The following MSRB3 variants were observed in gnomAD, a reference collection of about 807,000 sequenced individuals.
MSRB3 encodes the protein methionine-R-sulfoxide reductase B3.
Under a neutral mutation model 21.0 loss-of-function variants are expected in MSRB3, and 13 were observed. The observed-to-expected ratio is 0.62, with a 90% CI of 0.40 to 0.98. MSRB3 has a LOEUF of 0.98. Ranked by LOEUF, MSRB3 falls within the 50% of genes least tolerant of loss-of-function variation. The pLI is 0.00. For missense variants in MSRB3, 199 were observed against 230.3 expected, an observed-to-expected ratio of 0.86 and a Z score of 0.88; for synonymous variants, 87 against 88.6, an observed-to-expected ratio of 0.98 and a Z score of 0.10.
chr12:65,365,283 G>A (rs1877944942), intron 4 of MSRB3, among the ~76,000 whole-genome samples: 1 of 152,090 alleles, frequency 6.6e-6, no homozygotes, highest in Non-Finnish European at 1.5e-5. Context: ...TCAGCTTCGT[G>A]TCAATGCCAC....
chr12:65,343,130 A>G (rs1315840593), intron 4 of MSRB3, among the ~76,000 whole-genome samples: 4 of 152,112 alleles, frequency 2.6e-5, no homozygotes, highest in Non-Finnish European at 2.9e-5. Context: ...CTCTATGACA[A>G]AATTTATCTT....
intron 1 of MSRB3, among the ~76,000 whole-genome samples, chr12:65,289,475 A>G (rs904403708): frequency 6.6e-6 from 1 of 152,220 alleles, no homozygotes; most frequent in African/African-American, 2.4e-5. Flanking sequence ...CCTGGGTGAC[A>G]GAGTGAGATT....
chr12:65,352,403 C>G (rs1438242604), intron 4 of MSRB3, among the ~76,000 whole-genome samples: 4 of 149,382 alleles, frequency 2.7e-5, no homozygotes, highest in African/African-American at 5.0e-5. Context: ...AAAACTGGCA[C>G]AAGACAGGGA....
chr12:65,324,120 G>A (rs1027133769), intron 2 of MSRB3, among the ~76,000 whole-genome samples: 6 of 152,086 alleles, frequency 3.9e-5, no homozygotes, highest in African/African-American at 1.4e-4. Context: ...CTTACAGTTA[G>A]GAAACAATAT....
At chr12:65,422,276 G>A (rs902449687) in intron 5 of MSRB3, among the ~76,000 whole-genome samples, 2 of 151,382 alleles carry the variant, frequency 1.3e-5, no homozygotes, top group Non-Finnish European at 2.9e-5. Flanking sequence ...CACAATAGTA[G>A]GGTAAGACTT....
At chr12:65,369,082 A>T in intron 5 of MSRB3, 56 bp downstream of exon 5, 1 of 1,268,628 alleles carries the variant, frequency 7.9e-7, no homozygotes, top group Non-Finnish European at 1.2e-6. Flanking sequence ...TTATTCTCTG[A>T]GGAGTAAATC....
chr12:65,351,078 CA>C (rs1277022335), intron 4 of MSRB3, among the ~76,000 whole-genome samples: 1 of 152,082 alleles, frequency 6.6e-6, no homozygotes, highest in African/African-American at 2.4e-5. Context: ...CTCTCCTCAG[CA>C]AATGTAAAAG....
intron 4 of MSRB3, among the ~76,000 whole-genome samples, chr12:65,342,728 G>A (rs1381880614): frequency 1.3e-5 from 2 of 151,954 alleles, no homozygotes; most frequent in South Asian, 2.1e-4. Flanking sequence ...GTCCAAAATA[G>A]GAGTCTATGT....
chr12:65,322,042 C>T (rs1454465081), intron 2 of MSRB3, among the ~76,000 whole-genome samples: 1 of 151,830 alleles, frequency 6.6e-6, no homozygotes, highest in Non-Finnish European at 1.5e-5. Context: ...TTTTTCACAC[C>T]GAAATATAAA....
At chr12:65,294,965 A>G (rs562718162) in intron 1 of MSRB3, among the ~76,000 whole-genome samples, 2 of 152,180 alleles carry the variant, frequency 1.3e-5, no homozygotes, top group South Asian at 4.2e-4. Context: ...AATACCTGGG[A>G]CTATAGGCAT....
At chr12:65,394,495 T>C (rs186523311) in intron 5 of MSRB3, among the ~76,000 whole-genome samples, 2 of 152,308 alleles carry the variant, frequency 1.3e-5, no homozygotes, top group Admixed American at 6.5e-5. Context: ...ATCACTTCAC[T>C]GATAAATTCT....
At chr12:65,299,016 C>T (rs1200088852) in intron 1 of MSRB3, among the ~76,000 whole-genome samples, 1 of 152,070 alleles carries the variant, frequency 6.6e-6, no homozygotes, top group South Asian at 2.1e-4. Flanking sequence ...TATAAAAAAC[C>T]TGCACATGGC....
chr12:65,308,506 T>G, intron 1 of MSRB3, 23 bp from the exon 2 acceptor site: 1 of 1,612,616 alleles, frequency 6.2e-7, no homozygotes, highest in Non-Finnish European at 8.5e-7. Context: ...TTGATTTTTG[T>G]TTTTGTTTTT....
At chr12:65,366,044 A>G (rs1334749045) in intron 4 of MSRB3, among the ~76,000 whole-genome samples, 2 of 152,158 alleles carry the variant, frequency 1.3e-5, no homozygotes, top group Admixed American at 1.3e-4. Flanking sequence ...CCCAACAGCC[A>G]GGCATCGAGT....
chr12:65,427,926 G>T (rs866059764), intron 5 of MSRB3, among the ~76,000 whole-genome samples: 14 of 152,186 alleles, frequency 9.2e-5, no homozygotes, highest in Admixed American at 3.9e-4. Flanking sequence ...AAATGCTCCA[G>T]TGTCTGAAAT....
intron 5 of MSRB3, among the ~76,000 whole-genome samples, chr12:65,382,417 G>A (rs539103493): frequency 9.2e-4 from 140 of 151,924 alleles, no homozygotes; most frequent in African/African-American, 3.3e-3. Context: ...CCCCTGTGTT[G>A]TTATATAGTA....
chr12:65,432,271 A>G (rs1441085648), intron 5 of MSRB3, among the ~76,000 whole-genome samples: 1 of 152,016 alleles, frequency 6.6e-6, no homozygotes, highest in Non-Finnish European at 1.5e-5. Flanking sequence ...TGTAGCACAC[A>G]TTATCATTAC....
At chr12:65,328,006 C>T (rs1287381716) in intron 3 of MSRB3, among the ~76,000 whole-genome samples, 2 of 152,192 alleles carry the variant, frequency 1.3e-5, no homozygotes, top group Non-Finnish European at 2.9e-5. Context: ...CTGCAGAGCA[C>T]ATAGACTTTT....
At chr12:65,441,871 A>G (rs1390910464) in intron 5 of MSRB3, among the ~76,000 whole-genome samples, 2 of 152,030 alleles carry the variant, frequency 1.3e-5, no homozygotes, top group African/African-American at 2.4e-5. Flanking sequence ...AATTGCTTCA[A>G]TTTTGCCATG....
Sources: allele counts gnomAD v4.1 joint callset (sites outside exome capture counted in the v4.1 genomes callset), GRCh38; gene constraint gnomAD v4.1.1; transcripts MANE v1.5; gene names NCBI Gene and HGNC (gene_info 2026-07-23, HGNC 2026-07-21).